The following HIGD1C variants were observed in gnomAD, a reference collection of about 807,000 sequenced individuals.
HIGD1C encodes the protein HIG1 domain family member 1C.
HIGD1C carries 11 observed loss-of-function variants against 13.1 expected under a neutral mutation model. The observed-to-expected ratio is 0.84, with a 90% CI of 0.53 to 1.39. HIGD1C has a LOEUF of 1.39. Among genes scored for constraint, HIGD1C ranks in the 40% most tolerant of loss-of-function variants. The pLI is 0.00. For missense variants in HIGD1C, 110 were observed against 112.0 expected, an observed-to-expected ratio of 0.98 and a Z score of 0.08; for synonymous variants, 36 against 37.7, an observed-to-expected ratio of 0.95 and a Z score of 0.17.
chr12:50,938,567 G>T, the HIGD1C span, among the ~76,000 whole-genome samples: 1 of 152,170 alleles, frequency 6.6e-6, no homozygotes, highest in Non-Finnish European at 1.5e-5. Flanking sequence ...AGCCCCTGTG[G>T]ACTCTACAGA....
the HIGD1C span, among the ~76,000 whole-genome samples, chr12:50,948,830 C>T: frequency 9.8e-6 from 1 of 102,458 alleles, no homozygotes; most frequent in South Asian, 3.9e-4. Flanking sequence ...TGAGATTGCA[C>T]CACTGCACTC....
the HIGD1C span, among the ~76,000 whole-genome samples, chr12:50,946,157 G>GATATAGGC: frequency 2.6e-5 from 4 of 152,126 alleles, no homozygotes; most frequent in Non-Finnish European, 5.9e-5. Context: ...TATCATTCAG[G>GATATAGGC]ATATAGGCAT....
chr12:50,951,702 C>T (rs1464022021), upstream of HIGD1C, among the ~76,000 whole-genome samples: 1 of 151,844 alleles, frequency 6.6e-6, no homozygotes, highest in Non-Finnish European at 1.5e-5. Flanking sequence ...GGTGGATCAC[C>T]TGAGATCAGG....
At chr12:50,964,395 G>A (rs1939463796) in intron 2 of HIGD1C, among the ~76,000 whole-genome samples, 1 of 152,226 alleles carries the variant, frequency 6.6e-6, no homozygotes, top group Non-Finnish European at 1.5e-5. Context: ...TAGGCATCCT[G>A]CCTGTGTTGG....
intron 2 of HIGD1C, among the ~76,000 whole-genome samples, chr12:50,963,449 G>C (rs1939424536): frequency 6.6e-6 from 1 of 151,582 alleles, no homozygotes; most frequent in South Asian, 2.1e-4. Context: ...GCAAAGATGA[G>C]CTAGAACAAT....
At chr12:50,967,476 T>A (rs1939584425) in intron 2 of HIGD1C, among the ~76,000 whole-genome samples, 2 of 152,038 alleles carry the variant, frequency 1.3e-5, no homozygotes, top group Admixed American at 1.3e-4. Flanking sequence ...AGGGTCTCAC[T>A]TCATTGCCCA....
the HIGD1C span, among the ~76,000 whole-genome samples, chr12:50,948,662 G>T: frequency 2.7e-5 from 4 of 150,490 alleles, no homozygotes; most frequent in African/African-American, 9.8e-5. Context: ...GAGGTCAAGA[G>T]ATTGAGACCA....
intron 2 of HIGD1C, among the ~76,000 whole-genome samples, chr12:50,964,447 C>T (rs1939465441): frequency 2.0e-5 from 3 of 152,168 alleles, no homozygotes; most frequent in Non-Finnish European, 4.4e-5. Context: ...CATGGGAGTA[C>T]CAAGAAGTGC....
intron 1 of HIGD1C, among the ~76,000 whole-genome samples, chr12:50,956,696 T>C (rs1939108986): frequency 6.6e-6 from 1 of 152,220 alleles, no homozygotes; most frequent in South Asian, 2.1e-4. Flanking sequence ...GTATTAATAC[T>C]CCCTATTCTT....
chr12:50,938,733 T>C, the HIGD1C span, among the ~76,000 whole-genome samples: 1 of 152,204 alleles, frequency 6.6e-6, no homozygotes, highest in African/African-American at 2.4e-5. Flanking sequence ...TGAGAACTAG[T>C]GCCTGGATAA....
the HIGD1C span, among the ~76,000 whole-genome samples, chr12:50,941,111 C>G: frequency 7.2e-5 from 11 of 152,252 alleles, no homozygotes; most frequent in East Asian, 1.7e-3. Context: ...AGCAATCCTC[C>G]CTCTTGGGCT....
intron 1 of HIGD1C, among the ~76,000 whole-genome samples, chr12:50,959,399 T>A (rs906903224): frequency 2.6e-5 from 4 of 151,908 alleles, no homozygotes; most frequent in Admixed American, 6.6e-5. Context: ...GGATTATAGG[T>A]GTGAGCCACT....
chr12:50,969,137 A>T (rs1939662650), intron 2 of HIGD1C, among the ~76,000 whole-genome samples: 1 of 151,320 alleles, frequency 6.6e-6, no homozygotes, highest in African/African-American at 2.4e-5. Context: ...TCTACTAAAA[A>T]TACAAAATTA....
At chr12:50,946,391 TCAAA>T in the HIGD1C span, among the ~76,000 whole-genome samples, 1 of 151,638 alleles carries the variant, frequency 6.6e-6, no homozygotes, top group African/African-American at 2.4e-5. Context: ...CAAGAAAAAA[TCAAA>T]CAACCCCATC....
intron 1 of HIGD1C, among the ~76,000 whole-genome samples, chr12:50,955,859 G>A (rs1263840619): frequency 6.6e-6 from 1 of 152,066 alleles, no homozygotes; most frequent in Non-Finnish European, 1.5e-5. Context: ...AGAGACATAC[G>A]CACCACTGTG....
chr12:50,948,977 T>A (rs1023234456), upstream of HIGD1C: 1 of 129,080 alleles, frequency 7.7e-6, no homozygotes, highest in Non-Finnish European at 1.6e-5. Context: ...ACGAGGTTAT[T>A]CCTTGCAGCA....
chr12:50,962,769 G>A (rs1217977426), intron 2 of HIGD1C, among the ~76,000 whole-genome samples: 1 of 152,054 alleles, frequency 6.6e-6, no homozygotes, highest in East Asian at 1.9e-4. Flanking sequence ...AGGGCTGGGA[G>A]GCCAGAGGAG....
chr12:50,950,862 T>C (rs1029981045), upstream of HIGD1C, among the ~76,000 whole-genome samples: 1 of 151,736 alleles, frequency 6.6e-6, no homozygotes, highest in Non-Finnish European at 1.5e-5. Flanking sequence ...GTATTTTTAG[T>C]AGAGATGAGG....
chr12:50,931,674 G>C, the HIGD1C span: 2 of 134,014 alleles, frequency 1.5e-5, no homozygotes, highest in African/African-American at 5.7e-5. Context: ...TCATGCCATT[G>C]TACTCTAGCC....
Sources: gnomAD v4.1 joint callset for allele counts (sites outside exome capture counted in the v4.1 genomes callset) on GRCh38, gnomAD v4.1.1 for gene constraint, MANE v1.5 for transcripts, NCBI Gene and HGNC (gene_info 2026-07-23, HGNC 2026-07-21) for gene names.